The following ARHGEF10 variants were observed in gnomAD, a reference collection of about 807,000 sequenced individuals.
The protein encoded by ARHGEF10 is Rho guanine nucleotide exchange factor 10.
In ARHGEF10, 140 loss-of-function variants were observed where a neutral mutation model predicts 147.4. The ratio of observed to expected loss-of-function variants is 0.95; its 90% confidence interval spans 0.83 to 1.09. The LOEUF (loss-of-function observed/expected upper bound fraction) is 1.09, where lower values mean the gene tolerates loss of function less well. ARHGEF10 is among the 50% of genes least tolerant of loss of function. ARHGEF10 has a pLI of 0.00. For synonymous variants in ARHGEF10, 902 were observed against 695.8 expected (o/e 1.30, Z -4.67); for missense variants, 2,222 against 1,752.7 (o/e 1.27, Z -4.78).
intron 10 of ARHGEF10, among the ~76,000 whole-genome samples, chr8:1,884,193 A>G (rs941887127): frequency 1.3e-5 from 2 of 152,100 alleles, no homozygotes; most frequent in African/African-American, 2.4e-5. Flanking sequence ...GGAGATCAAG[A>G]CCATCCTGGC....
At chr8:1,871,636 G>A (rs1027051452) in intron 7 of ARHGEF10, among the ~76,000 whole-genome samples, 3 of 152,080 alleles carry the variant, frequency 2.0e-5, no homozygotes, top group African/African-American at 4.8e-5. Flanking sequence ...TGGCCAAGAT[G>A]GTGAAACCCC....
At chr8:1,923,365 T>G in intron 19 of ARHGEF10, 103 bp from the exon 20 acceptor site, 1 of 1,521,312 alleles carries the variant, frequency 6.6e-7, no homozygotes, top group Non-Finnish European at 9.0e-7. Flanking sequence ...AATAGTTTCA[T>G]TTGGTCTGAA....
chr8:1,906,791 C>T (rs1328281342), intron 17 of ARHGEF10, among the ~76,000 whole-genome samples: 2 of 152,224 alleles, frequency 1.3e-5, no homozygotes, highest in Admixed American at 6.5e-5. Flanking sequence ...CGAGAACGTT[C>T]ATTAAGCTGC....
Position 1,943,062 on chromosome 8 carries a change from C to G in ARHGEF10, c.3223-2419C>G, listed in dbSNP as rs1814239589. On this transcript the variant is annotated intron_variant, in intron 26 of 28. Coordinates refer to ENST00000349830, the MANE Select transcript of ARHGEF10 (RefSeq NM_014629.4). ...GAACTTCATGATATGTGAATTATAG[C>G]TCAGTGTTTTCAAAAGGAGGTGGCA... 2.6e-5 allele frequency among the ~76,000 whole-genome samples: 4 copies of G among 152,280 alleles called. No individual in the cohort carries two copies. The South Asian group carries it at 8.3e-4, about 32-fold the overall frequency.
At chr8:1,876,434 C>T (rs1228092687) in intron 7 of ARHGEF10, 137 bp from the exon 8 acceptor site, 13 of 929,140 alleles carry the variant, frequency 1.4e-5, no homozygotes, top group Non-Finnish European at 2.2e-5. Context: ...AAGCCCGGGG[C>T]TCCGCAGGGT....
intron 25 of ARHGEF10, among the ~76,000 whole-genome samples, chr8:1,931,312 A>G (rs1813124751): frequency 6.6e-6 from 1 of 152,228 alleles, no homozygotes; most frequent in Non-Finnish European, 1.5e-5. Context: ...ATTAAATGCA[A>G]TAGAAATAAC....
intron 28 of ARHGEF10, among the ~76,000 whole-genome samples, chr8:1,953,966 G>T (rs969459713): frequency 6.6e-6 from 1 of 152,252 alleles, no homozygotes; most frequent in Non-Finnish European, 1.5e-5. Context: ...GATTTTGGCA[G>T]GTCCACCCAC....
intron 1 of ARHGEF10, among the ~76,000 whole-genome samples, chr8:1,833,583 A>C (rs1362739628): frequency 6.6e-6 from 1 of 152,102 alleles, no homozygotes; most frequent in African/African-American, 2.4e-5. Context: ...TACCGCCTCC[A>C]AGCCCCCACC....
At chr8:1,902,083 C>G (rs560879436) in intron 15 of ARHGEF10, among the ~76,000 whole-genome samples, 158 of 152,200 alleles carry the variant, frequency 1.0e-3, no homozygotes, top group African/African-American at 3.7e-3. Flanking sequence ...CTGCACCTAG[C>G]AACCCGTCAT....
chr8:1,950,199 G>T (rs9644261), intron 27 of ARHGEF10, among the ~76,000 whole-genome samples: 20,626 of 152,196 alleles, frequency 0.14, 1,401 homozygotes, highest in East Asian at 0.23. Context: ...CCTCACGTGG[G>T]CTCCAACTCC....
At position 1,925,339 on chromosome 8, in the gene ARHGEF10, A is replaced by G; in HGVS notation, c.2545A>G (p.Lys849Glu). The part of the protein sequence containing the change: ...CVEDDGNHIK[K>E]EKHPLLVGHM... Reference sequence around the variant, plus strand: ...GGAAGACGATGGGAATCACATTAAAAAGGAGAAGCATCCTCTCCTCGTCGG... The same window carrying G: ...GGAAGACGATGGGAATCACATTAAAGAGGAGAAGCATCCTCTCCTCGTCGG... The change falls in exon 22 of 29, where the codon AAG (lysine) becomes GAG (glutamate). Residue 849 changes from lysine (K) to glutamate (E), a missense_variant. Transcript: ENST00000349830. 6.2e-7 allele frequency: 1 copy of G among 1,614,184 alleles called. No homozygotes were observed. Among genetic ancestry groups the G allele is most frequent in the Non-Finnish European group, 8.5e-7 (1 of 1,180,026 alleles).
intron 27 of ARHGEF10, chr8:1,945,905 G>GGGAGGAGCCGCGTGCT: frequency 1.5e-6 from 1 of 672,152 alleles, no homozygotes; most frequent in Non-Finnish European, 2.6e-6. Context: ...GCCGCGTGCT[G>GGGAGGAGCCGCGTGCT]GGAGGAGCCG....
At chr8:1,884,742 G>T (rs925970130) in intron 10 of ARHGEF10, among the ~76,000 whole-genome samples, 1 of 152,144 alleles carries the variant, frequency 6.6e-6, no homozygotes, top group Non-Finnish European at 1.5e-5. Context: ...GTAGTTAGCT[G>T]TGTTTTAAAA....
intron 1 of ARHGEF10, among the ~76,000 whole-genome samples, chr8:1,832,973 CAG>C (rs201035049): frequency 0.032 from 1,234 of 38,594 alleles, 158 homozygotes; most frequent in East Asian, 0.17. Flanking sequence ...GATACAGAGG[CAG>C]AGAGAGACAG....
Position 1,925,392 on chromosome 8 carries a change from G to T in ARHGEF10, c.2598G>T (p.Gln866His). The T allele has an allele frequency of 6.2e-7, 1 of 1,614,100 alleles. No homozygotes were observed. Among genetic ancestry groups the T allele is most frequent in the Non-Finnish European group, 8.5e-7 (1 of 1,180,032 alleles). ...ACATGCCCGTGATGGTGGCCAAGCA[G>T]CAGGAGTTCAAGGTGAAGGGAGGCA... is the stretch of plus-strand genomic sequence containing the variant. ...VGHMPVMVAK[Q>H]QEFKIECAAY... Residue 866 changes from glutamine to histidine, a missense_variant, in exon 22 of 29, where the codon CAG becomes CAT. Coordinates refer to ENST00000349830, the MANE Select transcript of ARHGEF10 (RefSeq NM_014629.4).
chr8:1,902,261 TG>T (rs57084797), intron 15 of ARHGEF10, among the ~76,000 whole-genome samples: 7,431 of 152,242 alleles, frequency 0.049, 259 homozygotes, highest in African/African-American at 0.097. Flanking sequence ...AGTTCACGTT[TG>T]CCCCTTCAGC....
intron 6 of ARHGEF10, among the ~76,000 whole-genome samples, chr8:1,867,869 G>C (rs879410426): frequency 6.6e-6 from 1 of 152,110 alleles, no homozygotes; most frequent in Non-Finnish European, 1.5e-5. Flanking sequence ...TTTCATTCTG[G>C]TTTCAATTAT....
chr8:1,913,154 G>C (rs1186027318), intron 18 of ARHGEF10, among the ~76,000 whole-genome samples: 1 of 152,114 alleles, frequency 6.6e-6, no homozygotes, highest in Non-Finnish European at 1.5e-5. Context: ...TGGGGAGGTG[G>C]CGCATAGCCC....
At chr8:1,887,302 G>T (rs1364664450) in intron 11 of ARHGEF10, among the ~76,000 whole-genome samples, 2 of 152,262 alleles carry the variant, frequency 1.3e-5, no homozygotes, top group African/African-American at 4.8e-5. Context: ...AGTGACTCAG[G>T]ACCAGAAGAG....
Sources: gnomAD v4.1 joint callset for allele counts (sites outside exome capture counted in the v4.1 genomes callset) on GRCh38, gnomAD v4.1.1 for gene constraint, MANE v1.5 for transcripts, NCBI Gene and HGNC (gene_info 2026-07-23, HGNC 2026-07-21) for gene names.